Variants in PCDH9 observed in about 807,000 individuals in gnomAD.
The protein encoded by PCDH9 is protocadherin-9.
PCDH9 carries 24 observed loss-of-function variants against 70.6 expected under a neutral mutation model. The ratio of observed to expected loss-of-function variants is 0.34; its 90% CI spans 0.25 to 0.48. The LOEUF is 0.48. Among genes scored for constraint, PCDH9 ranks in the 20% least tolerant of loss-of-function variants. The pLI is 0.99. For synonymous variants in PCDH9, 562 were observed against 558.5 expected, an observed-to-expected ratio of 1.01 and a Z score of -0.09; for missense variants, 1,281 against 1,503.6, an observed-to-expected ratio of 0.85 and a Z score of 2.45.
Position 67,051,382 on chromosome 13 carries a change from A to ATTTTTT in PCDH9, c.3037-147783_3037-147778dup, listed in dbSNP as rs567408801. Reference sequence around the variant, plus strand: ...CGAAATACCAGGAAAACAATACAAGATTTTTTTTTTTTTTTTTTTTTTTTT... The same window carrying ATTTTTT: ...CGAAATACCAGGAAAACAATACAAGATTTTTTTTTTTTTTTTTTTTTTTTTTTTTTT... On this transcript the variant is annotated intron_variant, in intron 2 of 4. Transcript: ENST00000377865. Among the ~76,000 whole-genome samples the ATTTTTT allele has an allele frequency of 3.2e-3, 227 of 71,004 alleles. 24 individuals carry two copies. The highest frequency in any genetic ancestry group is 4.8e-3 in the Non-Finnish European group (196 of 40,754). The allele number at this position is 71,004 out of a possible 152,430, so 46.6% of individuals were successfully genotyped here. A position where few individuals can be genotyped will look rare whatever the true frequency, so the allele number is the denominator to read the frequency against.
intron 3 of PCDH9, among the ~76,000 whole-genome samples, chr13:66,701,645 G>A (rs1028758101): frequency 2.0e-5 from 3 of 151,916 alleles, no homozygotes; most frequent in Non-Finnish European, 4.4e-5. Flanking sequence ...ATCAACAACT[G>A]AATCTGCTGG....
rs371126133 is a variant in PCDH9, at chr13:66,874,948, A to T, written c.3138+28556T>A. On this transcript the variant is annotated intron_variant, in intron 3 of 4. Coordinates refer to ENST00000377865, the MANE Select transcript of PCDH9 (RefSeq NM_203487.3). ...GTGTGTGTGTGTGTGTGTGTGAGAGAGAGAGAGAGAGAGAGACAGAGAGAT... is the reference window on the plus strand; with the variant it reads ...GTGTGTGTGTGTGTGTGTGTGAGAGTGAGAGAGAGAGAGAGACAGAGAGAT... 4.9e-3 allele frequency among the ~76,000 whole-genome samples: 506 copies of T among 102,836 alleles called. 2 individuals carry two copies. Among genetic ancestry groups the T allele is most frequent in the African/African-American group, 0.017 (453 of 27,364 alleles). 67.5% of individuals were successfully genotyped at this position (102,836 alleles called of 152,430 possible).
At chr13:66,857,419 G>T (rs1351290234) in intron 3 of PCDH9, among the ~76,000 whole-genome samples, 1 of 152,066 alleles carries the variant, frequency 6.6e-6, no homozygotes, top group Admixed American at 6.6e-5. Flanking sequence ...CAATAAGTGT[G>T]CAAAGGAGTG....
intron 4 of PCDH9, among the ~76,000 whole-genome samples, chr13:66,432,016 G>GT (rs1318499450): frequency 2.4e-4 from 37 of 151,968 alleles, no homozygotes; most frequent in Admixed American, 2.2e-3. Context: ...AATGGCAAGT[G>GT]TTTTTTTATT....
chr13:67,015,996 T>C (rs1043514407), intron 2 of PCDH9, among the ~76,000 whole-genome samples: 1 of 152,186 alleles, frequency 6.6e-6, no homozygotes, highest in Non-Finnish European at 1.5e-5. Context: ...TCAACATATA[T>C]TTTAAGAGTG....
At chr13:66,751,473 T>C (rs192998909) in intron 3 of PCDH9, among the ~76,000 whole-genome samples, 1 of 152,330 alleles carries the variant, frequency 6.6e-6, no homozygotes, top group Non-Finnish European at 1.5e-5. Flanking sequence ...AAAATCTCTT[T>C]GTCTTACTGT....
chr13:66,636,720 C>T (rs2077642806), intron 3 of PCDH9, among the ~76,000 whole-genome samples: 1 of 151,898 alleles, frequency 6.6e-6, no homozygotes, highest in African/African-American at 2.4e-5. Flanking sequence ...ATTTATTTAT[C>T]TATCATTCTA....
chr13:67,037,073 A>G (rs2085024056), intron 2 of PCDH9, among the ~76,000 whole-genome samples: 1 of 152,152 alleles, frequency 6.6e-6, no homozygotes, highest in Non-Finnish European at 1.5e-5. Flanking sequence ...ACTTAGTTAA[A>G]AGCAGCTTTA....
intron 4 of PCDH9, among the ~76,000 whole-genome samples, chr13:66,572,780 G>T (rs1243930480): frequency 6.6e-6 from 1 of 151,822 alleles, no homozygotes; most frequent in African/African-American, 2.4e-5. Context: ...TTTTTCTTGA[G>T]ACAGGGCCTT....
chr13:66,832,569 T>C (rs2080946793), intron 3 of PCDH9, among the ~76,000 whole-genome samples: 1 of 152,148 alleles, frequency 6.6e-6, no homozygotes, highest in African/African-American at 2.4e-5. Context: ...ATAAGTATAT[T>C]AAGAATGAGT....
intron 4 of PCDH9, among the ~76,000 whole-genome samples, chr13:66,489,392 C>G (rs1037509035): frequency 6.6e-6 from 1 of 152,086 alleles, no homozygotes; most frequent in African/African-American, 2.4e-5. Context: ...CTCACTGCAG[C>G]CTTGACCTCC....
At chr13:66,522,312 C>T (rs1011839923) in intron 4 of PCDH9, among the ~76,000 whole-genome samples, 2 of 151,522 alleles carry the variant, frequency 1.3e-5, no homozygotes, top group African/African-American at 4.8e-5. Flanking sequence ...ATTACATTGT[C>T]GTATGGAAAA....
intron 4 of PCDH9, among the ~76,000 whole-genome samples, chr13:66,329,756 G>T (rs1955907167): frequency 2.6e-5 from 4 of 152,138 alleles, no homozygotes; most frequent in Admixed American, 2.6e-4. Context: ...AAGTTTGTTT[G>T]TAAATGTAAT....
At position 66,708,118 on chromosome 13, in the gene PCDH9, C is replaced by G. The variant is rs558994407; in HGVS notation, c.3139-76707G>C. Among the ~76,000 whole-genome samples, 6 of 151,446 alleles carry G rather than the reference C, an allele frequency of 4.0e-5. No individual in the cohort carries two copies. The East Asian group carries it at 1.2e-3, about 29-fold the overall frequency. ...AGGCTGGAGTGCAGTGGCGGGATCT[C>G]GGCTCACTGCAAGCTCCGCCTCCCG... On this transcript the variant is annotated intron_variant, in intron 3 of 4. Transcript: ENST00000377865.
At chr13:66,520,502 C>G (rs9540784) in intron 4 of PCDH9, among the ~76,000 whole-genome samples, 2 of 152,018 alleles carry the variant, frequency 1.3e-5, no homozygotes, top group Non-Finnish European at 2.9e-5. Context: ...TTCAAAGCCA[C>G]ATGAAAACCT....
chr13:66,485,873 T>C (rs1365324326), intron 4 of PCDH9, among the ~76,000 whole-genome samples: 1 of 151,804 alleles, frequency 6.6e-6, no homozygotes, highest in Non-Finnish European at 1.5e-5. Flanking sequence ...ATTACAGACA[T>C]GCACCACCAC....
chr13:66,706,211 G>A (rs1357983855), intron 3 of PCDH9, among the ~76,000 whole-genome samples: 1 of 152,244 alleles, frequency 6.6e-6, no homozygotes, highest in African/African-American at 2.4e-5. Context: ...AAAACTTAGC[G>A]GCATCATTAT....
intron 4 of PCDH9, among the ~76,000 whole-genome samples, chr13:66,376,089 G>GA (rs1956742046): frequency 6.6e-6 from 1 of 152,084 alleles, no homozygotes; most frequent in African/African-American, 2.4e-5. Flanking sequence ...AATGTGGAGA[G>GA]AAAATTCCGT....
chr13:66,548,904 A>G lies in PCDH9; in HGVS notation c.3340+82306T>C, dbSNP rs1473604839. 2.6e-5 allele frequency among the ~76,000 whole-genome samples: 4 copies of G among 152,204 alleles called. No homozygotes were observed. In the East Asian group the frequency reaches 7.7e-4, roughly 29 times the overall value. On this transcript the variant is annotated intron_variant, in intron 4 of 4. Coordinates refer to ENST00000377865, the MANE Select transcript of PCDH9 (RefSeq NM_203487.3). ...CATCGATAATGTTTTTTATTAAAAC[A>G]TTATATGATTAAAAATCAGAAGCTT...
Sources: allele counts gnomAD v4.1 joint callset (sites outside exome capture counted in the v4.1 genomes callset), GRCh38; gene constraint gnomAD v4.1.1; transcripts MANE v1.5; gene names NCBI Gene and HGNC (gene_info 2026-07-23, HGNC 2026-07-21).